The following GALNT9 variants were observed in gnomAD, a reference collection of about 807,000 sequenced individuals.
GALNT9 encodes GalNAc transferase 9.
A neutral mutation model predicts 63.1 loss-of-function variants in GALNT9; 47 were observed. The ratio of observed to expected loss-of-function variants is 0.75; its 90% CI spans 0.59 to 0.95. The LOEUF is 0.95. Among genes scored for constraint, GALNT9 ranks in the 40% least tolerant of loss-of-function variants. GALNT9 has a pLI of 0.00. For missense variants in GALNT9, 829 were observed against 874.8 expected, an observed-to-expected ratio of 0.95 and a Z score of 0.66; for synonymous variants, 396 against 365.7, an observed-to-expected ratio of 1.08 and a Z score of -0.94.
chr12:132,271,290 G>A (rs1555240701), intron 2 of GALNT9, among the ~76,000 whole-genome samples: 1 of 151,732 alleles, frequency 6.6e-6, no homozygotes, highest in Admixed American at 6.6e-5. Flanking sequence ...GGTGGGGGGA[G>A]GAGGAGACAG....
At chr12:132,216,489 C>G (rs1403477646) in intron 6 of GALNT9, among the ~76,000 whole-genome samples, 21 of 152,256 alleles carry the variant, frequency 1.4e-4, no homozygotes, top group Admixed American at 1.4e-3. Context: ...GACCTGGGTG[C>G]TGAGCGCAGT....
Position 132,319,849 on chromosome 12 carries a change from T to C in GALNT9, c.238+9117A>G, listed in dbSNP as rs532119894. 2.0e-3 allele frequency among the ~76,000 whole-genome samples: 311 copies of C among 152,316 alleles called. 1 individual carries two copies. Among genetic ancestry groups the C allele is most frequent in the Non-Finnish European group, 2.4e-3 (164 of 68,018 alleles). ...TTCTAGGGAGAAGCCGGATTTCCTG[T>C]AGAACCTGTGTCTTCTCCACCCTCA... On this transcript the variant is annotated intron_variant, in intron 1 of 10. Transcript: ENST00000328957. This position sits in a 1 kb window ranked among gnomAD's most constrained non-coding sequence, Gnocchi z 5.2.
In GALNT9 at chr12:132,292,809, G is replaced by A. The variant is rs193215191; in HGVS notation, c.239-6379C>T. Among the ~76,000 whole-genome samples, 27 of 152,268 alleles carry A rather than the reference G, an allele frequency of 1.8e-4. No homozygotes were observed. The East Asian group carries it at 4.3e-3, about 24-fold the overall frequency. ...GGGGAGAGGGTGGAGTCGGTGAGAC[G>A]GGAAGTCTGGACCACCGTTGTTCGG... On this transcript the variant is annotated intron_variant, in intron 1 of 10. Coordinates refer to ENST00000328957, the MANE Select transcript of GALNT9 (RefSeq NM_001122636.2).
intron 6 of GALNT9, among the ~76,000 whole-genome samples, 177 bp from the exon 7 acceptor site, chr12:132,203,867 C>T (rs1042167465): frequency 7.2e-5 from 11 of 152,134 alleles, no homozygotes; most frequent in Admixed American, 4.6e-4. Flanking sequence ...TCAGGGGACC[C>T]CGCCCACAGA....
chr12:132,309,931 C>A (rs71470386), intron 1 of GALNT9, among the ~76,000 whole-genome samples: 2,956 of 152,352 alleles, frequency 0.019, 31 homozygotes, highest in Non-Finnish European at 0.028. Context: ...GCAGCGGGCG[C>A]AGGTGAAACC....
chr12:132,303,526 C>G (rs377579518), intron 1 of GALNT9, among the ~76,000 whole-genome samples: 1 of 110,876 alleles, frequency 9.0e-6, no homozygotes, highest in African/African-American at 3.7e-5. Context: ...CACCCTCACC[C>G]GGGCACAGCC....
intron 6 of GALNT9, chr12:132,240,869 G>C (rs2136899869): frequency 0.075 from 19,338 of 257,000 alleles, 820 homozygotes; most frequent in African/African-American, 0.2. Flanking sequence ...TCCCAGGGCC[G>C]TCCCTATACC....
chr12:132,216,275 A>G (rs529179884), intron 6 of GALNT9, among the ~76,000 whole-genome samples: 1 of 152,312 alleles, frequency 6.6e-6, no homozygotes, highest in South Asian at 2.1e-4. Flanking sequence ...AGAGAAAGAC[A>G]CACAAACAGA....
chr12:132,198,529 C>G (rs1458861821), intron 9 of GALNT9, among the ~76,000 whole-genome samples: 1 of 10,842 alleles, frequency 9.2e-5, no homozygotes, highest in South Asian at 3.2e-3. Flanking sequence ...GTTAATCCAC[C>G]CCCCGAGCCA....
At chr12:132,219,483 G>A (rs1473839971) in intron 6 of GALNT9, among the ~76,000 whole-genome samples, 1 of 152,156 alleles carries the variant, frequency 6.6e-6, no homozygotes, top group Non-Finnish European at 1.5e-5. Flanking sequence ...CCGGGCGTGT[G>A]GCTCTGATGT....
chr12:132,254,319 C>T (rs1879036057), intron 5 of GALNT9, among the ~76,000 whole-genome samples: 1 of 152,216 alleles, frequency 6.6e-6, no homozygotes, highest in Non-Finnish European at 1.5e-5. Flanking sequence ...CCCTCCGCTG[C>T]TTTTAATATG....
intron 9 of GALNT9, among the ~76,000 whole-genome samples, chr12:132,198,904 GC>G (rs766031186): frequency 3.9e-5 from 6 of 152,150 alleles, no homozygotes; most frequent in Non-Finnish European, 8.8e-5. Flanking sequence ...GTCTGCCTTG[GC>G]CTCCCATCGT....
Position 132,248,007 on chromosome 12 carries a change from C to A in GALNT9, c.980G>T (p.Cys327Phe), listed in dbSNP as rs1555238241. The A allele has an allele frequency of 9.0e-6, 14 of 1,551,224 alleles. No individual in the cohort carries two copies. Among genetic ancestry groups the A allele is most frequent in the Non-Finnish European group, 1.0e-5 (12 of 1,146,812 alleles). Residue 327 changes from cysteine to phenylalanine, a missense_variant, in exon 6 of 11, where the codon TGC becomes TTC. By Grantham distance (205) the Cys-to-Phe change is radical. Transcript: ENST00000328957. ...APIRTPAMIGCSFVVDREYFG... is the reference protein window; with the variant it reads ...APIRTPAMIGFSFVVDREYFG... ...GTACTCGCGGTCCACTACGAAGGAG[C>A]AGCCGATCATGGCTGGGGTCCTGGG...
At position 132,201,197 on chromosome 12, in the gene GALNT9, C is replaced by G; in HGVS notation, c.1328G>C (p.Arg443Pro). ...RLALRQRLKC[R>P]SFKWYLENVY... The stretch of plus-strand genomic sequence containing the variant: ...GTTCTCCAGGTACCACTTGAAGCTG[C>G]GACACTTCAGCCTCTGACGCAGGGC... Residue 443 changes from arginine (R) to proline (P), a missense_variant, in exon 8 of 11, where the codon CGC becomes CCC. Physicochemically the swap from Arg to Pro is moderately radical, Grantham distance 103. Transcript: ENST00000328957. 1.2e-6 allele frequency: 2 copies of G among 1,613,018 alleles called. No homozygotes were observed. Among genetic ancestry groups the G allele is most frequent in the Non-Finnish European group, 1.7e-6 (2 of 1,179,240 alleles).
intron 1 of GALNT9, among the ~76,000 whole-genome samples, chr12:132,320,383 T>G (rs1555246027): frequency 3.3e-5 from 5 of 152,144 alleles, no homozygotes; most frequent in Non-Finnish European, 1.5e-5. Flanking sequence ...CGCCCCCACC[T>G]CGGATCTTTC....
chr12:132,252,684 G>A lies in GALNT9; in HGVS notation c.960-4657C>T, dbSNP rs1593085926. Among the ~76,000 whole-genome samples the A allele has an allele frequency of 6.6e-6, 1 of 152,200 alleles. No individual in the cohort carries two copies. Among genetic ancestry groups the A allele is most frequent in the East Asian group, 1.9e-4 (1 of 5,176 alleles). ...ACCTGAGGTCGGGAGTTCGAGACCAGCCTGACCAACATGGAGAAACCCCGT... is the reference window on the plus strand; with the variant it reads ...ACCTGAGGTCGGGAGTTCGAGACCAACCTGACCAACATGGAGAAACCCCGT... On this transcript the variant is annotated intron_variant, in intron 5 of 10. Transcript: ENST00000328957. This position sits in a 1 kb window ranked among gnomAD's most constrained non-coding sequence, Gnocchi z 5.2.
At chr12:132,304,514 C>A in intron 1 of GALNT9, among the ~76,000 whole-genome samples, 1 of 64,972 alleles carries the variant, frequency 1.5e-5, no homozygotes, top group Non-Finnish European at 2.7e-5. Context: ...GGCACACCCT[C>A]GCCCGGACAC....
intron 6 of GALNT9, chr12:132,240,493 C>T (rs2136898345): frequency 0.059 from 23,570 of 402,786 alleles, 2,137 homozygotes; most frequent in East Asian, 0.29. Flanking sequence ...GCTCGGACCC[C>T]GGGCGGCACT....
intron 4 of GALNT9, among the ~76,000 whole-genome samples, chr12:132,259,677 C>T (rs1048194384): frequency 8.5e-5 from 13 of 152,122 alleles, no homozygotes; most frequent in Admixed American, 3.3e-4. Flanking sequence ...CCAGGTTCCC[C>T]GGGGACCCAG....
Sources: gnomAD v4.1 joint callset for allele counts (sites outside exome capture counted in the v4.1 genomes callset) on GRCh38, gnomAD v4.1.1 for gene constraint, Gnocchi (gnomAD v3.1) non-coding constraint, MANE v1.5 for transcripts, NCBI Gene and HGNC (gene_info 2026-07-23, HGNC 2026-07-21) for gene names.